ZCCHC4: variants seen among roughly 807,000 people sequenced by gnomAD.
The protein encoded by ZCCHC4 is zinc finger CCHC-type containing 4.
A neutral mutation model predicts 67.7 loss-of-function variants in ZCCHC4; 54 were observed. That is an observed-to-expected ratio of 0.80 (90% confidence interval 0.64 to 1.00). The LOEUF is 1.00. Ranked by LOEUF, ZCCHC4 falls within the 50% of genes least tolerant of loss-of-function variation. The pLI is 0.00. For missense variants in ZCCHC4, 609 were observed against 617.0 expected (o/e 0.99, Z 0.14); for synonymous variants, 198 against 213.5 (o/e 0.93, Z 0.63).
rs752156225 is a variant in ZCCHC4 at position 25,333,311 on chromosome 4, A to G, written c.458A>G (p.Gln153Arg). The change falls in exon 4 of 13, where the codon CAG (glutamine) becomes CGG (arginine). Residue 153 changes from glutamine to arginine, a missense_variant. Physicochemically the swap from Gln to Arg is conservative, Grantham distance 43. Transcript: ENST00000302874. ...GTTCTGGGTAATGTGTCCATTACCC[A>G]GTTAAGAAGGCCCAGTCAACTCCTT... The part of the protein sequence containing the change: ...HQVLGNVSIT[Q>R]LRRPSQLLYP... 8.7e-6 allele frequency: 14 copies of G among 1,614,046 alleles called. No individual in the cohort carries two copies. The highest frequency in any genetic ancestry group is 1.2e-5 in the Non-Finnish European group (14 of 1,180,028).
chr4:25,365,573 A>G lies in ZCCHC4; in HGVS notation c.1406+407A>G, dbSNP rs1720909558. 5 of 988,374 alleles carry G rather than the reference A, an allele frequency of 5.1e-6. No homozygotes were observed. In the South Asian group the frequency reaches 2.3e-4, roughly 46 times the overall value. The allele number at this position is 988,374 out of a possible 1,614,324, so 61.2% of individuals were successfully genotyped here. A position where few individuals can be genotyped will look rare whatever the true frequency, so the allele number is the denominator to read the frequency against. ...CTGGAGAAGGCATTTCAGATTGAAT[A>G]GCAAGTAATTCCACAGTAGGAAAAT... On this transcript the variant is annotated intron_variant, in intron 12 of 12. Coordinates refer to ENST00000302874, the MANE Select transcript of ZCCHC4 (RefSeq NM_024936.3).
intron 8 of ZCCHC4, among the ~76,000 whole-genome samples, chr4:25,353,336 G>A (rs937677527): frequency 5.3e-5 from 8 of 152,188 alleles, no homozygotes; most frequent in Admixed American, 1.3e-4. Context: ...TGTTCTAAAA[G>A]TGTGTAGCAC....
intron 5 of ZCCHC4, among the ~76,000 whole-genome samples, chr4:25,342,375 TC>T (rs1719797112): frequency 6.6e-6 from 1 of 152,206 alleles, no homozygotes; most frequent in Non-Finnish European, 1.5e-5. Flanking sequence ...GAGAACAGCC[TC>T]AAACTCCAGT....
chr4:25,316,470 G>A (rs767228243), intron 3 of ZCCHC4, among the ~76,000 whole-genome samples: 2 of 152,136 alleles, frequency 1.3e-5, no homozygotes, highest in Non-Finnish European at 2.9e-5. Flanking sequence ...CCGCATCCTT[G>A]CCAACACCTA....
At chr4:25,318,349 CTTTTTTTTTTTTT>C (rs528144406) in intron 3 of ZCCHC4, among the ~76,000 whole-genome samples, 6 of 45,508 alleles carry the variant, frequency 1.3e-4, no homozygotes, top group Admixed American at 4.1e-4. Context: ...CACTCTCTCT[CTTTTTTTTTTTTT>C]TTTTTTTTTT....
chr4:25,333,971 A>G lies in ZCCHC4; in HGVS notation c.669A>G (p.Leu223=). The change falls in exon 5 of 13, where the codon TTA becomes TTG. Residue 223 remains leucine (L), a synonymous_variant. Transcript: ENST00000302874. ...AGAAGTCTAACATTAAAAGCCTTTTATTGGATATTGATTTTCGGTAGGTTT... is the reference window on the plus strand; with the variant it reads ...AGAAGTCTAACATTAAAAGCCTTTTGTTGGATATTGATTTTCGGTAGGTTT... The part of the protein sequence containing the change: ...GDKKSNIKSL[L]LDIDFRYSQF... 9 of 1,602,532 alleles carry G rather than the reference A, an allele frequency of 5.6e-6. No individual in the cohort carries two copies. Among genetic ancestry groups the G allele is most frequent in the Non-Finnish European group, 7.6e-6 (9 of 1,176,948 alleles).
chr4:25,346,195 C>T (rs1720009030), intron 6 of ZCCHC4, among the ~76,000 whole-genome samples: 3 of 151,836 alleles, frequency 2.0e-5, no homozygotes, highest in Non-Finnish European at 4.4e-5. Context: ...CTTCCTCTCA[C>T]TTTTTCTGTG....
intron 3 of ZCCHC4, among the ~76,000 whole-genome samples, chr4:25,324,312 G>A (rs1284662531): frequency 6.6e-6 from 1 of 151,912 alleles, no homozygotes; most frequent in Admixed American, 6.6e-5. Context: ...ACTGTGCCTG[G>A]CCAGTATGTA....
At chr4:25,349,380 TG>T (rs751206624) in intron 6 of ZCCHC4, 111 bp from the exon 7 acceptor site, 144 of 1,005,154 alleles carry the variant, frequency 1.4e-4, no homozygotes, top group Non-Finnish European at 2.0e-4. Flanking sequence ...CAAGATGACT[TG>T]GTAAAGTTTC....
At chr4:25,327,225 C>T (rs993504568) in intron 3 of ZCCHC4, among the ~76,000 whole-genome samples, 7 of 152,076 alleles carry the variant, frequency 4.6e-5, no homozygotes, top group Admixed American at 1.3e-4. Flanking sequence ...TAGTCAATGT[C>T]GAGTAGAAGG....
chr4:25,352,598 T>C (rs1344429133), intron 8 of ZCCHC4: 4 of 171,074 alleles, frequency 2.3e-5, no homozygotes, highest in Non-Finnish European at 3.5e-5. Flanking sequence ...GTATTTTTAG[T>C]AGAGACAGGG....
intron 3 of ZCCHC4, among the ~76,000 whole-genome samples, chr4:25,318,706 A>T (rs1273267975): frequency 3.9e-5 from 6 of 152,044 alleles, no homozygotes; most frequent in Non-Finnish European, 8.8e-5. Flanking sequence ...TTTGATAAAA[A>T]TTTTTTTGAA....
intron 3 of ZCCHC4, among the ~76,000 whole-genome samples, chr4:25,317,436 G>T (rs1173986874): frequency 1.3e-5 from 2 of 152,060 alleles, no homozygotes; most frequent in African/African-American, 4.8e-5. Flanking sequence ...TTGAGGCCAG[G>T]CATGGTGGCT....
In ZCCHC4 at chr4:25,362,265, T is replaced by C. The variant is rs1337453055; in HGVS notation, c.1173T>C (p.Asn391=). Residue 391 remains asparagine (N), a synonymous_variant, in exon 10 of 13, where the codon AAT becomes AAC. Transcript: ENST00000302874. ...GTCAACGGTATGTTTCTCTAGAGAA[T>C]CAACACTGTGAGCTCTGTAATTCTT... ...SPCQRYVSLE[N]QHCELCNSCT... 6.2e-7 allele frequency: 1 copy of C among 1,611,614 alleles called. No individual in the cohort carries two copies. Among genetic ancestry groups the C allele is most frequent in the Admixed American group, 1.7e-5 (1 of 59,880 alleles).
rs71188998 is a variant in ZCCHC4 at position 25,324,014 on chromosome 4, G to GTTTTTTTTTTTTTTTTTTTTT, written c.329+8630_329+8631insTTTTTTTTTTTTTTTTTTTTT. On this transcript the variant is annotated intron_variant, in intron 3 of 12. Coordinates refer to ENST00000302874, the MANE Select transcript of ZCCHC4 (RefSeq NM_024936.3). ...TCGTACAGTATGTACTGTTTTTTGT[G>GTTTTTTTTTTTTTTTTTTTTT]TTTTTTTTTTTTTTTTGAGACAGAG... Among the ~76,000 whole-genome samples the GTTTTTTTTTTTTTTTTTTTTT allele has an allele frequency of 5.6e-4, 46 of 82,428 alleles. 10 individuals carry two copies. Among genetic ancestry groups the GTTTTTTTTTTTTTTTTTTTTT allele is most frequent in the African/African-American group, 1.3e-3 (24 of 19,172 alleles). The allele number at this position is 82,428 out of a possible 152,430, so 54.1% of individuals were successfully genotyped here.
chr4:25,358,360 A>G (rs1369249132), intron 8 of ZCCHC4, among the ~76,000 whole-genome samples: 1 of 152,222 alleles, frequency 6.6e-6, no homozygotes, highest in Non-Finnish European at 1.5e-5. Flanking sequence ...ACACAGAGCA[A>G]ATTTCACACA....
At chr4:25,322,343 A>T in intron 3 of ZCCHC4, among the ~76,000 whole-genome samples, 1 of 151,030 alleles carries the variant, frequency 6.6e-6, no homozygotes, top group Non-Finnish European at 1.5e-5. Context: ...CCATTTCCCC[A>T]CTCCCCACCC....
chr4:25,339,606 T>C (rs1256864938), intron 5 of ZCCHC4, among the ~76,000 whole-genome samples: 2 of 152,196 alleles, frequency 1.3e-5, no homozygotes, highest in Non-Finnish European at 2.9e-5. Context: ...ATTAGTTATT[T>C]GTATTTTTGT....
intron 8 of ZCCHC4, among the ~76,000 whole-genome samples, chr4:25,353,752 A>G (rs1313930197): frequency 6.6e-6 from 1 of 152,190 alleles, no homozygotes; most frequent in Non-Finnish European, 1.5e-5. Context: ...GTGGCAATAT[A>G]TCTGTCTTTT....
Sources: gnomAD v4.1 joint callset for allele counts (sites outside exome capture counted in the v4.1 genomes callset) on GRCh38, gnomAD v4.1.1 for gene constraint, MANE v1.5 for transcripts, NCBI Gene and HGNC (gene_info 2026-07-23, HGNC 2026-07-21) for gene names.